Variants in CNTN6 observed in about 807,000 individuals in gnomAD.
The protein encoded by CNTN6 is contactin 6.
CNTN6 carries 137 observed loss-of-function variants against 122.8 expected under a neutral mutation model. That is an observed-to-expected ratio of 1.12 (90% CI 0.97 to 1.29). The LOEUF is 1.29. Ranked by LOEUF, CNTN6 falls within the 50% of genes most tolerant of loss-of-function variation. The pLI is 0.00. For missense variants in CNTN6, 1,634 were observed against 1,223.4 expected (o/e 1.34, Z -5.01); for synonymous variants, 570 against 426.0 (o/e 1.34, Z -4.16).
chr3:1,246,537 T>C (rs2094585348), intron 4 of CNTN6, among the ~76,000 whole-genome samples: 1 of 152,192 alleles, frequency 6.6e-6, no homozygotes. Flanking sequence ...TATTTCTCTG[T>C]TGTATATACC....
intron 7 of CNTN6, among the ~76,000 whole-genome samples, chr3:1,306,295 A>AC (rs1553673488): frequency 6.6e-6 from 1 of 152,148 alleles, no homozygotes; most frequent in Non-Finnish European, 1.5e-5. Context: ...ATTATCAATA[A>AC]CTTTTTTTTA....
In CNTN6 at chr3:1,353,348, C is replaced by A. The variant is rs1176148447; in HGVS notation, c.1492+897C>A. Among the ~76,000 whole-genome samples the A allele has an allele frequency of 5.3e-5, 8 of 151,694 alleles. No homozygotes were observed. The Admixed American group carries it at 5.3e-4, about 10-fold the overall frequency. On this transcript the variant is annotated intron_variant, in intron 12 of 22. Coordinates refer to ENST00000446702, the MANE Select transcript of CNTN6 (RefSeq NM_001289080.2). ...AAAGTAGTTAGCTGCTACACTTCAACCATCCTTTAAAATATCTCAAGGAAA... is the reference window on the plus strand; with the variant it reads ...AAAGTAGTTAGCTGCTACACTTCAAACATCCTTTAAAATATCTCAAGGAAA...
intron 4 of CNTN6, among the ~76,000 whole-genome samples, chr3:1,268,675 T>C (rs1344578998): frequency 1.3e-5 from 2 of 152,100 alleles, no homozygotes; most frequent in African/African-American, 2.4e-5. Flanking sequence ...TTTTTGACTT[T>C]AGGTCTCCTT....
intron 4 of CNTN6, among the ~76,000 whole-genome samples, chr3:1,270,523 C>CA (rs2095006311): frequency 6.6e-6 from 1 of 152,156 alleles, no homozygotes; most frequent in South Asian, 2.1e-4. Flanking sequence ...CTTTGCCCCG[C>CA]AAAATGTTTT....
intron 19 of CNTN6, among the ~76,000 whole-genome samples, chr3:1,385,396 C>T (rs1463631516): frequency 6.6e-6 from 1 of 152,090 alleles, no homozygotes. Context: ...CTCTAATTTC[C>T]ATTGTGAATT....
chr3:1,359,199 C>A (rs1403333791), intron 12 of CNTN6, among the ~76,000 whole-genome samples: 4 of 151,920 alleles, frequency 2.6e-5, no homozygotes, highest in African/African-American at 9.7e-5. Flanking sequence ...GTAGTCACTG[C>A]CTATTATGTA....
intron 4 of CNTN6, among the ~76,000 whole-genome samples, chr3:1,240,696 GTTA>G (rs1284827092): frequency 6.9e-6 from 1 of 145,006 alleles, no homozygotes; most frequent in African/African-American, 2.6e-5. Context: ...AGGAAAAGAA[GTTA>G]TTATACTAAA....
chr3:1,227,669 C>A (rs570040880), intron 3 of CNTN6, 149 bp from the exon 4 acceptor site: 5 of 775,970 alleles, frequency 6.4e-6, no homozygotes, highest in East Asian at 2.7e-5. Flanking sequence ...AAGACAGCTA[C>A]CTTTGGTAAA....
intron 2 of CNTN6, among the ~76,000 whole-genome samples, chr3:1,209,805 A>T (rs533737777): frequency 1.3e-5 from 2 of 152,252 alleles, no homozygotes; most frequent in South Asian, 4.1e-4. Context: ...TAATACAAGC[A>T]TTCCTCTTTT....
rs77329719 is a variant in CNTN6, at chr3:1,270,898, T to G, written c.359-7515T>G. ...ATTTGTTTCTTTACTTTGTCTTTGT[T>G]TGTTTGTTTGTTCTTGCTTTTTGAG... On this transcript the variant is annotated intron_variant, in intron 4 of 22. Transcript: ENST00000446702. 1.7e-3 allele frequency among the ~76,000 whole-genome samples: 216 copies of G among 125,240 alleles called. 1 individual carries two copies. Among genetic ancestry groups the G allele is most frequent in the African/African-American group, 6.7e-3 (199 of 29,828 alleles). The allele number at this position is 125,240 out of a possible 152,430, so 82.2% of individuals were successfully genotyped here.
intron 2 of CNTN6, among the ~76,000 whole-genome samples, chr3:1,188,400 G>C (rs3772359): frequency 6.6e-6 from 1 of 151,990 alleles, no homozygotes; most frequent in South Asian, 2.1e-4. Context: ...AATTAGCAAG[G>C]ACTTTAACTC....
At chr3:1,096,280 T>G (rs1389433954) in intron 1 of CNTN6, among the ~76,000 whole-genome samples, 1 of 152,102 alleles carries the variant, frequency 6.6e-6, no homozygotes, top group Non-Finnish European at 1.5e-5. Context: ...AGTGTGTGTA[T>G]GGGTGTTTGC....
intron 7 of CNTN6, among the ~76,000 whole-genome samples, chr3:1,302,771 T>C (rs948993992): frequency 1.3e-5 from 2 of 152,192 alleles, no homozygotes; most frequent in Non-Finnish European, 2.9e-5. Flanking sequence ...TTGTTTTCTC[T>C]GAAATTCCTG....
chr3:1,214,564 C>T (rs565353355), intron 2 of CNTN6, among the ~76,000 whole-genome samples: 1 of 152,172 alleles, frequency 6.6e-6, no homozygotes, highest in Admixed American at 6.5e-5. Flanking sequence ...CCCACCTCCA[C>T]CTCCCAAAGT....
In CNTN6 at chr3:1,251,127, G is replaced by A. The variant is rs79389473; in HGVS notation, c.358+23134G>A. 8.9e-3 allele frequency among the ~76,000 whole-genome samples: 1,350 copies of A among 152,194 alleles called. 21 individuals are homozygous for A. The highest frequency in any genetic ancestry group is 0.029 in the African/African-American group (1,225 of 41,530). ...GCCATTTCAGCCTTTGGTGAATTTGGTATTCAGTACTCAATATCCTGATTT... is the reference window on the plus strand; with the variant it reads ...GCCATTTCAGCCTTTGGTGAATTTGATATTCAGTACTCAATATCCTGATTT... On this transcript the variant is annotated intron_variant, in intron 4 of 22. Coordinates refer to ENST00000446702, the MANE Select transcript of CNTN6 (RefSeq NM_001289080.2).
In CNTN6 at chr3:1,383,117, A is replaced by G. The variant is rs773287290; in HGVS notation, c.2342A>G (p.Tyr781Cys). 1.9e-6 allele frequency: 3 copies of G among 1,613,968 alleles called. No individual in the cohort carries two copies. Among genetic ancestry groups the G allele is most frequent in the African/African-American group, 2.7e-5 (2 of 74,924 alleles). Residue 781 changes from tyrosine (Y) to cysteine (C), a missense_variant, in exon 18 of 23, where the codon TAT becomes TGT. Physicochemically the swap from Tyr to Cys is radical, Grantham distance 194. Coordinates refer to ENST00000446702, the MANE Select transcript of CNTN6 (RefSeq NM_001289080.2). ...LSPFEVKVGVYNNEGEGSLST... is the reference protein window; with the variant it reads ...LSPFEVKVGVCNNEGEGSLST... ...CCCTTTGAAGTCAAAGTGGGTGTGT[A>G]TAATAATGAAGGAGAAGGATCCCTG...
At chr3:1,227,197 C>G (rs557112097) in intron 3 of CNTN6, among the ~76,000 whole-genome samples, 1 of 152,114 alleles carries the variant, frequency 6.6e-6, no homozygotes, top group Admixed American at 6.5e-5. Flanking sequence ...TTTTGCTTCT[C>G]AAAATAAAAA....
intron 1 of CNTN6, among the ~76,000 whole-genome samples, chr3:1,143,198 G>A (rs6798105): frequency 0.6 from 90,251 of 151,602 alleles, 28,020 homozygotes; most frequent in African/African-American, 0.78. Context: ...TCAACTTTCA[G>A]AGATTCTTTT....
intron 17 of CNTN6, among the ~76,000 whole-genome samples, chr3:1,381,258 C>T (rs1465380896): frequency 6.6e-6 from 1 of 152,170 alleles, no homozygotes; most frequent in Non-Finnish European, 1.5e-5. Flanking sequence ...CCATGCCATT[C>T]AAAATTAACT....
Sources: allele counts gnomAD v4.1 joint callset (sites outside exome capture counted in the v4.1 genomes callset), GRCh38; gene constraint gnomAD v4.1.1; transcripts MANE v1.5; gene names NCBI Gene and HGNC (gene_info 2026-07-23, HGNC 2026-07-21).